The following SLC2A7 variants were observed in gnomAD, a reference collection of about 807,000 sequenced individuals.
SLC2A7 encodes solute carrier family 2, facilitated glucose transporter member 7.
SLC2A7 carries 50 observed loss-of-function variants against 50.5 expected under a neutral mutation model. The ratio of observed to expected loss-of-function variants is 0.99; its 90% CI spans 0.79 to 1.25. The LOEUF (loss-of-function observed/expected upper bound fraction) is 1.25. Among genes scored for constraint, SLC2A7 ranks in the 50% most tolerant of loss-of-function variants. The pLI is 0.00. For missense variants in SLC2A7, 683 were observed against 679.1 expected (o/e 1.01, Z -0.06); for synonymous variants, 308 against 300.4 (o/e 1.03, Z -0.26).
At position 9,018,282 on chromosome 1, in the gene SLC2A7, A is replaced by G; in HGVS notation, c.530T>C (p.Ile177Thr). ...MVGTMTEVFV[I>T]VGVFLAQIFS... ...GATCTGTGCTAGGAAGACTCCAACG[A>G]TGACGAAAACCTCGGTCATTGTTCC... The change falls in exon 5 of 12, where the codon ATC (isoleucine) becomes ACC (threonine). Residue 177 changes from isoleucine (I) to threonine (T), a missense_variant. Transcript: ENST00000400906. 6.2e-7 allele frequency: 1 copy of G among 1,614,180 alleles called. No homozygotes were observed. Among genetic ancestry groups the G allele is most frequent in the East Asian group, 2.2e-5 (1 of 44,886 alleles).
chr1:9,014,574 C>T lies in SLC2A7; in HGVS notation c.903+107G>A. On this transcript the variant is annotated intron_variant, in intron 7 of 11. Transcript: ENST00000400906. ...ACATCTGGCTCTGCCTGGACTGATC[C>T]TGGCCCCACTGCCAGGCCAGGCCTC... 4 of 1,375,896 alleles carry T rather than the reference C, an allele frequency of 2.9e-6. No individual in the cohort carries two copies. In the South Asian group the frequency reaches 5.2e-5, roughly 18 times the overall value. 85.2% of individuals were successfully genotyped at this position (1,375,896 alleles called of 1,614,324 possible). A position where few individuals can be genotyped will look rare whatever the true frequency, so the allele number is the denominator to read the frequency against.
At chr1:9,013,319 C>T (rs1179771086) in intron 8 of SLC2A7, among the ~76,000 whole-genome samples, 5 of 152,180 alleles carry the variant, frequency 3.3e-5, no homozygotes, top group Admixed American at 6.5e-5. Context: ...TGTGAGCCGC[C>T]GCGCCCGGCC....
downstream of SLC2A7, among the ~76,000 whole-genome samples, chr1:8,999,926 C>G (rs1401822156): frequency 6.6e-6 from 1 of 152,142 alleles, no homozygotes; most frequent in African/African-American, 2.4e-5. Flanking sequence ...GCTGTCAGAT[C>G]CATTTCTAAT....
At position 9,026,396 on chromosome 1, in the gene SLC2A7, C is replaced by T. The variant is rs1488358011; in HGVS notation, c.-51G>A. 2 of 1,532,446 alleles carry T rather than the reference C, an allele frequency of 1.3e-6. No individual in the cohort carries two copies. The highest frequency in any genetic ancestry group is 1.8e-6 in the Non-Finnish European group (2 of 1,130,648). The allele number at this position is 1,532,446 out of a possible 1,614,324, so 94.9% of individuals were successfully genotyped here. A position where few individuals can be genotyped will look rare whatever the true frequency, so the allele number is the denominator to read the frequency against. On this transcript the variant is annotated 5_prime_UTR_variant, in exon 1 of 12. Coordinates refer to ENST00000400906, the MANE Select transcript of SLC2A7 (RefSeq NM_207420.3). ...TGCTCTACCTCCCAAGTGACACCTGCTCTGCGCCAGCCACCTAAAGACCGG... is the reference window on the plus strand; with the variant it reads ...TGCTCTACCTCCCAAGTGACACCTGTTCTGCGCCAGCCACCTAAAGACCGG...
At position 9,013,531 on chromosome 1, in the gene SLC2A7, G is replaced by A. The variant is rs1640780477; in HGVS notation, c.1008C>T (p.Ile336=). ...ATGCCTCCTGCTCACTCACCGAGGTGATGGTCATCACTATGTTGACGACGC... is the reference window on the plus strand; with the variant it reads ...ATGCCTCCTGCTCACTCACCGAGGTAATGGTCATCACTATGTTGACGACGC... ...GSGVVNIVMT[I]TSAVLVERLG... is the part of the protein sequence containing the mutation. The change falls in exon 8 of 12, where the codon ATC becomes ATT. Residue 336 remains isoleucine, a synonymous_variant. Coordinates refer to ENST00000400906, the MANE Select transcript of SLC2A7 (RefSeq NM_207420.3). 6.2e-7 allele frequency: 1 copy of A among 1,613,250 alleles called. No individual in the cohort carries two copies. Among genetic ancestry groups the A allele is most frequent in the African/African-American group, 1.3e-5 (1 of 74,926 alleles).
At chr1:9,014,564 TG>T in intron 7 of SLC2A7, 116 bp downstream of exon 7, 1 of 1,276,512 alleles carries the variant, frequency 7.8e-7, no homozygotes, top group Non-Finnish European at 1.1e-6. Context: ...TGGCTCTGCC[TG>T]GACTGATCCT....
chr1:9,002,079 TCCATTG>T, downstream of SLC2A7, among the ~76,000 whole-genome samples: 1 of 73,476 alleles, frequency 1.4e-5, no homozygotes, highest in Non-Finnish European at 3.2e-5. Context: ...ATCGCCATTC[TCCATTG>T]TCGAGTACCC....
the SLC2A7 span, among the ~76,000 whole-genome samples, chr1:8,994,760 C>CT: frequency 2.0e-5 from 3 of 151,234 alleles, no homozygotes; most frequent in African/African-American, 4.9e-5. Context: ...ATTTTCTTTT[C>CT]TTTTTTTTTC....
chr1:9,018,740 T>C (rs1232321766), intron 4 of SLC2A7, among the ~76,000 whole-genome samples: 2 of 152,258 alleles, frequency 1.3e-5, no homozygotes, highest in Admixed American at 6.5e-5. Flanking sequence ...CTAACTTTTA[T>C]TCATAGAAGA....
Position 9,003,490 on chromosome 1 carries a change from A to G in SLC2A7, c.1349T>C (p.Ile450Thr). Residue 450 changes from isoleucine (I) to threonine (T), a missense_variant, in exon 12 of 12, where the codon ATC becomes ACC. Physicochemically the swap from Ile to Thr is moderately conservative, Grantham distance 89. Transcript: ENST00000400906. ...QEAIGAYSFI[I>T]FAGICLLTAI... ...AGTGAGGAGGCAGATTCCGGCAAAG[A>G]TGATGAAACTGTAGGCACCGATGGC... 1 of 1,614,228 alleles carries G rather than the reference A, an allele frequency of 6.2e-7. No homozygotes were observed. Among genetic ancestry groups the G allele is most frequent in the Non-Finnish European group, 8.5e-7 (1 of 1,180,036 alleles).
chr1:9,003,242 G>A lies in SLC2A7; in HGVS notation c.*58C>T. ...TCCTCCCCAGAGCCTGGGGCCGGGA[G>A]GCCCATTGTCATAGAAGGAAGCCTT... On this transcript the variant is annotated 3_prime_UTR_variant, in exon 12 of 12. Transcript: ENST00000400906. The A allele has an allele frequency of 4.6e-6, 7 of 1,536,596 alleles. No homozygotes were observed. The South Asian group carries it at 8.1e-5, about 18-fold the overall frequency.
intron 3 of SLC2A7, among the ~76,000 whole-genome samples, chr1:9,020,129 G>T (rs11800780): frequency 6.6e-6 from 1 of 152,122 alleles, no homozygotes; most frequent in Non-Finnish European, 1.5e-5. Flanking sequence ...AAGAAGGGGC[G>T]AATGGGCAGA....
chr1:9,020,677 T>C (rs1219198907), intron 3 of SLC2A7, among the ~76,000 whole-genome samples: 4 of 148,736 alleles, frequency 2.7e-5, no homozygotes, highest in Admixed American at 6.7e-5. Context: ...TATTCTCTCT[T>C]TTTTTTTTTT....
At chr1:9,013,961 A>G (rs910516973) in intron 7 of SLC2A7, among the ~76,000 whole-genome samples, 1 of 152,120 alleles carries the variant, frequency 6.6e-6, no homozygotes, top group Admixed American at 6.5e-5. Context: ...ATCCCAAAGA[A>G]TGACTTCTTA....
At chr1:8,993,820 G>T in the SLC2A7 span, among the ~76,000 whole-genome samples, 1 of 151,932 alleles carries the variant, frequency 6.6e-6, no homozygotes, top group Non-Finnish European at 1.5e-5. Flanking sequence ...TTAGAGACAG[G>T]GTTTCACCAT....
the SLC2A7 span, among the ~76,000 whole-genome samples, chr1:8,997,544 G>A: frequency 2.0e-5 from 3 of 151,910 alleles, no homozygotes; most frequent in Non-Finnish European, 4.4e-5. Context: ...GGAATCATAG[G>A]TGCCCACCAC....
At position 9,013,533 on chromosome 1, in the gene SLC2A7, T is replaced by C. The variant is rs1385313791; in HGVS notation, c.1006A>G (p.Ile336Val). ...GCCTCCTGCTCACTCACCGAGGTGA[T>C]GGTCATCACTATGTTGACGACGCCA... is the stretch of plus-strand genomic sequence containing the variant. ...GSGVVNIVMT[I>V]TSAVLVERLG... Residue 336 changes from isoleucine (I) to valine (V), a missense_variant, in exon 8 of 12, where the codon ATC becomes GTC. By Grantham distance (29) the Ile-to-Val change is conservative. Coordinates refer to ENST00000400906, the MANE Select transcript of SLC2A7 (RefSeq NM_207420.3). The C allele has an allele frequency of 6.2e-7, 1 of 1,613,332 alleles. No individual in the cohort carries two copies. The highest frequency in any genetic ancestry group is 2.2e-5 in the East Asian group (1 of 44,874).
rs566466689 is a variant in SLC2A7 at position 9,008,822 on chromosome 1, C to T, written c.1116+1321G>A. On this transcript the variant is annotated intron_variant, in intron 9 of 11. Coordinates refer to ENST00000400906, the MANE Select transcript of SLC2A7 (RefSeq NM_207420.3). The surrounding 1 kb of genome is among the most constrained non-coding windows in gnomAD (Gnocchi z 5.9). ...ACGTGGTCAGGCTGCTCTAGAACTC[C>T]TGACCTCAGGTGATCCACCCGCTTT... Among the ~76,000 whole-genome samples, 1 of 152,324 alleles carries T rather than the reference C, an allele frequency of 6.6e-6. No individual in the cohort carries two copies. The highest frequency in any genetic ancestry group is 2.1e-4 in the South Asian group (1 of 4,832).
intron 2 of SLC2A7, among the ~76,000 whole-genome samples, chr1:9,023,835 C>CTTTTTTTTTTTTTTTTTTTTTT (rs1557653846): frequency 4.5e-5 from 3 of 65,978 alleles, no homozygotes; most frequent in Non-Finnish European, 5.8e-5. Context: ...AAATATTCTT[C>CTTTTTTTTTTTTTTTTTTTTTT]TTCTTTTTTT....
Sources: allele counts gnomAD v4.1 joint callset (sites outside exome capture counted in the v4.1 genomes callset), GRCh38; gene constraint gnomAD v4.1.1; non-coding constraint Gnocchi (gnomAD v3.1); transcripts MANE v1.5; gene names NCBI Gene and HGNC (gene_info 2026-07-23, HGNC 2026-07-21).